Variants in SLC2A9 observed in about 807,000 individuals in gnomAD.
SLC2A9 encodes solute carrier family 2, facilitated glucose transporter member 9.
Under a neutral mutation model 50.6 loss-of-function variants are expected in SLC2A9, and 39 were observed. That is an observed-to-expected ratio of 0.77 (90% CI 0.60 to 1.01). The LOEUF is 1.01. Ranked by LOEUF, SLC2A9 falls within the 50% of genes least tolerant of loss-of-function variation. The probability of loss-of-function intolerance (pLI) is 0.00; values close to 1 mark genes in which losing one functional copy is unlikely to be tolerated. For synonymous variants in SLC2A9, 324 were observed against 276.9 expected, an observed-to-expected ratio of 1.17 and a Z score of -1.69; for missense variants, 686 against 677.6, an observed-to-expected ratio of 1.01 and a Z score of -0.14.
intron 6 of SLC2A9, among the ~76,000 whole-genome samples, chr4:9,928,369 C>T (rs556521808): frequency 5.9e-5 from 9 of 152,286 alleles, no homozygotes; most frequent in South Asian, 2.1e-4. Context: ...AGAAACTGTT[C>T]CATAAAAAGA....
chr4:10,025,515 G>A (rs555126276), upstream of SLC2A9, among the ~76,000 whole-genome samples: 1 of 152,294 alleles, frequency 6.6e-6, no homozygotes, highest in African/African-American at 2.4e-5. Flanking sequence ...AATAGGAGCT[G>A]AGGACTTCCT....
intron 3 of SLC2A9, among the ~76,000 whole-genome samples, chr4:9,820,717 T>C (rs576956814): frequency 2.0e-5 from 3 of 152,338 alleles, no homozygotes; most frequent in Admixed American, 1.3e-4. Flanking sequence ...GAAGAGCAAC[T>C]TTTTTATGTT....
At chr4:9,892,611 G>T (rs556938509) in intron 8 of SLC2A9, among the ~76,000 whole-genome samples, 1 of 152,314 alleles carries the variant, frequency 6.6e-6, no homozygotes, top group South Asian at 2.1e-4. Context: ...CCTGGAAAAT[G>T]AGAATGATAA....
intron 10 of SLC2A9, among the ~76,000 whole-genome samples, chr4:9,845,430 T>C (rs902825282): frequency 7.8e-6 from 1 of 128,718 alleles, no homozygotes; most frequent in Non-Finnish European, 1.6e-5. Context: ...TCAATTTCTT[T>C]TTTTTTTTTT....
chr4:9,887,493 T>C (rs1736481929), intron 10 of SLC2A9, 74 bp downstream of exon 10: 2 of 1,416,248 alleles, frequency 1.4e-6, no homozygotes, highest in African/African-American at 2.9e-5. Flanking sequence ...TCCCCATCTG[T>C]ATGAGGAGAG....
intron 7 of SLC2A9, among the ~76,000 whole-genome samples, chr4:9,917,601 G>T (rs1743119370): frequency 6.6e-6 from 1 of 152,124 alleles, no homozygotes; most frequent in Admixed American, 6.5e-5. Flanking sequence ...AAAGTGCTGG[G>T]ATTACAGGCA....
chr4:9,782,244 G>T, intron 3 of SLC2A9: 7 of 1,613,562 alleles, frequency 4.3e-6, no homozygotes, highest in Non-Finnish European at 5.1e-6. Flanking sequence ...CGCCACCTGC[G>T]CGCCAACATG....
intron 2 of SLC2A9, among the ~76,000 whole-genome samples, chr4:10,007,735 A>G (rs1761049727): frequency 6.6e-6 from 1 of 152,154 alleles, no homozygotes; most frequent in Non-Finnish European, 1.5e-5. Flanking sequence ...CTTTTTGCAT[A>G]TCCTCCGGTT....
chr4:9,994,564 C>CTTTTTTTT (rs35574155), intron 3 of SLC2A9, among the ~76,000 whole-genome samples: 5 of 131,826 alleles, frequency 3.8e-5, no homozygotes, highest in Non-Finnish European at 4.8e-5. Context: ...TTTCCTTTTC[C>CTTTTTTTT]TTTTTTTTTT....
chr4:9,924,859 T>C (rs1744607219), intron 6 of SLC2A9, among the ~76,000 whole-genome samples: 1 of 152,186 alleles, frequency 6.6e-6, no homozygotes, highest in South Asian at 2.1e-4. Flanking sequence ...CTTCAGCGTC[T>C]ACAGTCCATG....
intron 2 of SLC2A9, 79 bp from the exon 3 acceptor site, chr4:9,997,020 C>A: frequency 6.6e-7 from 1 of 1,526,624 alleles, no homozygotes; most frequent in South Asian, 1.1e-5. Flanking sequence ...CAAAACAAAA[C>A]AGCTTGTACA....
Position 9,877,763 on chromosome 4 carries a change from T to C in SLC2A9, c.1291+9804A>G, listed in dbSNP as rs186371963. On this transcript the variant is annotated intron_variant, in intron 10 of 11. Coordinates refer to ENST00000264784, the MANE Select transcript of SLC2A9 (RefSeq NM_020041.3). Reference sequence around the variant, plus strand: ...ATTGAGATAATGTCATACAAGTGGGTGGCTTTGACTCTTTATGTTATCTGA... The same window carrying C: ...ATTGAGATAATGTCATACAAGTGGGCGGCTTTGACTCTTTATGTTATCTGA... Among the ~76,000 whole-genome samples the C allele has an allele frequency of 2.8e-3, 428 of 152,272 alleles. 6 individuals are homozygous for C. The highest frequency in any genetic ancestry group is 0.01 in the African/African-American group (420 of 41,568).
At chr4:9,799,697 C>CCA (rs1721101274) in intron 3 of SLC2A9, among the ~76,000 whole-genome samples, 1 of 67,122 alleles carries the variant, frequency 1.5e-5, no homozygotes, top group Non-Finnish European at 3.6e-5. Context: ...ATTGTACCCC[C>CCA]CCCCCACCCA....
At chr4:9,920,264 G>A in intron 7 of SLC2A9, 121 bp downstream of exon 7, 1 of 1,016,334 alleles carries the variant, frequency 9.8e-7, no homozygotes, top group Non-Finnish European at 1.5e-6. Flanking sequence ...TAACAGCATA[G>A]AGTTTGTGGC....
At chr4:9,961,463 G>C (rs539396881) in intron 5 of SLC2A9, among the ~76,000 whole-genome samples, 1 of 152,298 alleles carries the variant, frequency 6.6e-6, no homozygotes, top group Non-Finnish European at 1.5e-5. Context: ...AAAGGATTCT[G>C]TATTTAATAA....
intron 3 of SLC2A9, among the ~76,000 whole-genome samples, chr4:9,800,900 G>T (rs952517581): frequency 2.6e-5 from 4 of 152,084 alleles, no homozygotes; most frequent in Non-Finnish European, 5.9e-5. Flanking sequence ...GATACCGAGG[G>T]ACAACTGTAT....
chr4:9,886,473 T>C (rs1054356141), intron 10 of SLC2A9, among the ~76,000 whole-genome samples: 12 of 129,916 alleles, frequency 9.2e-5, no homozygotes, highest in South Asian at 7.4e-4. Flanking sequence ...TGTGTGTGTG[T>C]GCTGTGTGCA....
At chr4:9,980,243 T>C (rs1024467572) in intron 5 of SLC2A9, among the ~76,000 whole-genome samples, 3 of 152,206 alleles carry the variant, frequency 2.0e-5, no homozygotes, top group Non-Finnish European at 2.9e-5. Context: ...CACCAGGTTG[T>C]AGAACAATGT....
intron 7 of SLC2A9, among the ~76,000 whole-genome samples, chr4:9,917,775 G>A (rs1205814857): frequency 6.6e-6 from 1 of 152,180 alleles, no homozygotes; most frequent in Non-Finnish European, 1.5e-5. Context: ...GCAGTGTCTG[G>A]AGCCATTTTT....
Sources: allele counts gnomAD v4.1 joint callset (sites outside exome capture counted in the v4.1 genomes callset), GRCh38; gene constraint gnomAD v4.1.1; transcripts MANE v1.5; gene names NCBI Gene and HGNC (gene_info 2026-07-23, HGNC 2026-07-21).